The following COG7 variants were observed in gnomAD, a reference collection of about 807,000 sequenced individuals.
The protein encoded by COG7 is conserved oligomeric Golgi complex subunit 7.
COG7 carries 49 observed loss-of-function variants against 91.5 expected under a neutral mutation model. That is an observed-to-expected ratio of 0.54 (90% confidence interval 0.43 to 0.68). The LOEUF (loss-of-function observed/expected upper bound fraction) is 0.68, where lower values mean the gene tolerates loss of function less well. Ranked by LOEUF, COG7 falls within the 30% of genes least tolerant of loss-of-function variation. The probability of loss-of-function intolerance (pLI) is 0.00; values close to 1 mark genes in which losing one functional copy is unlikely to be tolerated. For missense variants in COG7, 895 were observed against 961.3 expected (o/e 0.93, Z 0.91); for synonymous variants, 365 against 388.7 (o/e 0.94, Z 0.72).
chr16:23,393,400 C>T (rs1427349628), intron 14 of COG7, 53 bp from the exon 15 acceptor site: 7 of 1,376,880 alleles, frequency 5.1e-6, no homozygotes, highest in Non-Finnish European at 7.2e-6. Flanking sequence ...CGGGTTATTA[C>T]TTTATGGGTA....
intron 13 of COG7, among the ~76,000 whole-genome samples, chr16:23,402,397 C>G (rs1963392772): frequency 6.6e-6 from 1 of 151,316 alleles, no homozygotes; most frequent in Non-Finnish European, 1.5e-5. Context: ...AAATAAATAC[C>G]TATACAATTT....
intron 4 of COG7, among the ~76,000 whole-genome samples, chr16:23,440,903 A>C (rs1258066394): frequency 1.3e-5 from 2 of 152,140 alleles, no homozygotes; most frequent in East Asian, 3.8e-4. Flanking sequence ...CAAATGAAAA[A>C]CAAGCTTTAG....
intron 14 of COG7, among the ~76,000 whole-genome samples, chr16:23,396,152 G>A (rs1381293394): frequency 2.0e-5 from 3 of 152,302 alleles, no homozygotes; most frequent in South Asian, 2.1e-4. Flanking sequence ...CACACAGTAC[G>A]TGTTCAATTA....
At chr16:23,452,248 T>G (rs1964276385) in intron 1 of COG7, among the ~76,000 whole-genome samples, 1 of 152,214 alleles carries the variant, frequency 6.6e-6, no homozygotes, top group Non-Finnish European at 1.5e-5. Context: ...TGCAATAAGA[T>G]CCACTCTTTT....
intron 5 of COG7, 110 bp from the exon 6 acceptor site, chr16:23,433,777 C>A: frequency 7.8e-7 from 1 of 1,280,214 alleles, no homozygotes. Flanking sequence ...AATGGGCTCA[C>A]TGGGCAGCCC....
At chr16:23,440,616 C>A (rs1268061898) in intron 4 of COG7, among the ~76,000 whole-genome samples, 1 of 151,768 alleles carries the variant, frequency 6.6e-6, no homozygotes, top group Non-Finnish European at 1.5e-5. Flanking sequence ...CGCTACCATG[C>A]CTAGCTAATT....
At chr16:23,423,514 C>G (rs545200900) in intron 7 of COG7, among the ~76,000 whole-genome samples, 132 of 152,344 alleles carry the variant, frequency 8.7e-4, no homozygotes, top group African/African-American at 2.9e-3. Context: ...TCTCTCAACT[C>G]TCCTTAGCCA....
At chr16:23,421,850 CAA>C (rs369425955) in intron 7 of COG7, among the ~76,000 whole-genome samples, 3 of 47,630 alleles carry the variant, frequency 6.3e-5, no homozygotes, top group Non-Finnish European at 1.3e-4. Context: ...GACTCCATCT[CAA>C]AAAAAAAAAA....
intron 5 of COG7, among the ~76,000 whole-genome samples, chr16:23,434,060 T>G (rs1338405870): frequency 1.3e-5 from 2 of 152,132 alleles, no homozygotes; most frequent in Non-Finnish European, 2.9e-5. Flanking sequence ...GGAATTAAGG[T>G]CAGTTCAGGA....
At chr16:23,400,315 T>C (rs1408952567) in intron 13 of COG7, among the ~76,000 whole-genome samples, 1 of 152,114 alleles carries the variant, frequency 6.6e-6, no homozygotes, top group African/African-American at 2.4e-5. Context: ...GAGAATCCCC[T>C]GTGGAAACAG....
At chr16:23,444,472 C>G (rs1042916423) in intron 3 of COG7, among the ~76,000 whole-genome samples, 1 of 151,682 alleles carries the variant, frequency 6.6e-6, no homozygotes, top group Admixed American at 6.6e-5. Context: ...CCATTTACCC[C>G]CAACCTTCTC....
chr16:23,404,671 G>A (rs953582785), intron 12 of COG7, among the ~76,000 whole-genome samples: 4 of 152,216 alleles, frequency 2.6e-5, no homozygotes, highest in African/African-American at 9.6e-5. Flanking sequence ...TGTAATCCCA[G>A]CACTTTGGGA....
At chr16:23,404,834 C>T (rs1321356141) in intron 12 of COG7, among the ~76,000 whole-genome samples, 18 of 152,188 alleles carry the variant, frequency 1.2e-4, no homozygotes, top group Non-Finnish European at 2.1e-4. Context: ...GCAGAAGAAA[C>T]GCTTGAAGCG....
At chr16:23,437,597 G>A (rs1378222118) in intron 4 of COG7, among the ~76,000 whole-genome samples, 3 of 152,180 alleles carry the variant, frequency 2.0e-5, no homozygotes, top group African/African-American at 4.8e-5. Context: ...AGAGCACAGC[G>A]GAGAATATAA....
chr16:23,400,358 A>T (rs1371041067), intron 13 of COG7, among the ~76,000 whole-genome samples: 1 of 152,170 alleles, frequency 6.6e-6, no homozygotes, highest in Non-Finnish European at 1.5e-5. Flanking sequence ...AGGGACAGCA[A>T]TCCTTGGTGG....
chr16:23,427,919 A>G (rs1385141899), intron 6 of COG7, among the ~76,000 whole-genome samples: 2 of 152,052 alleles, frequency 1.3e-5, no homozygotes, highest in Non-Finnish European at 2.9e-5. Context: ...GCTCACACCT[A>G]TAATCCCAGC....
chr16:23,424,622 G>A (rs1302077989), intron 7 of COG7, 127 bp downstream of exon 7: 18 of 996,972 alleles, frequency 1.8e-5, no homozygotes, highest in Admixed American at 3.8e-5. Context: ...CTGCTGAGAA[G>A]GAAAACACCG....
chr16:23,410,157 G>A, intron 11 of COG7, 138 bp downstream of exon 11: 1 of 719,684 alleles, frequency 1.4e-6, no homozygotes, highest in East Asian at 2.7e-5. Flanking sequence ...ATGACACGCT[G>A]TATCTAGGTA....
intron 7 of COG7, among the ~76,000 whole-genome samples, chr16:23,423,325 C>T (rs1963790670): frequency 1.3e-5 from 2 of 152,174 alleles, no homozygotes; most frequent in African/African-American, 4.8e-5. Context: ...CAAGATCACA[C>T]CGCTGCACTC....
Sources: gnomAD v4.1 joint callset for allele counts (sites outside exome capture counted in the v4.1 genomes callset) on GRCh38, gnomAD v4.1.1 for gene constraint, MANE v1.5 for transcripts, NCBI Gene and HGNC (gene_info 2026-07-23, HGNC 2026-07-21) for gene names.